COL21A1: variants seen among roughly 807,000 people sequenced by gnomAD.
COL21A1 encodes the protein collagen alpha-1(XXI) chain.
A neutral mutation model predicts 137.9 loss-of-function variants in COL21A1; 149 were observed. The observed-to-expected ratio is 1.08, with a 90% CI of 0.95 to 1.24. COL21A1 has a LOEUF of 1.24. COL21A1 is among the 50% of genes most tolerant of loss of function. The pLI is 0.00. For synonymous variants in COL21A1, 456 were observed against 391.5 expected, an observed-to-expected ratio of 1.16 and a Z score of -1.95; for missense variants, 1,167 against 1,158.4, an observed-to-expected ratio of 1.01 and a Z score of -0.11.
chr6:56,239,784 A>G (rs1782155449), intron 1 of COL21A1, among the ~76,000 whole-genome samples: 1 of 152,188 alleles, frequency 6.6e-6, no homozygotes, highest in South Asian at 2.1e-4. Flanking sequence ...AATTTACATG[A>G]TGCCAATGTG....
At chr6:56,133,418 C>T (rs1304007345) in intron 12 of COL21A1, among the ~76,000 whole-genome samples, 1 of 152,120 alleles carries the variant, frequency 6.6e-6, no homozygotes, top group Non-Finnish European at 1.5e-5. Context: ...CAAGAGGTAA[C>T]TTGGGTGCTG....
chr6:56,363,965 C>G (rs965821582), intron 1 of COL21A1, among the ~76,000 whole-genome samples: 2 of 152,196 alleles, frequency 1.3e-5, no homozygotes, highest in Non-Finnish European at 2.9e-5. Context: ...TGGACAAACT[C>G]AGAGTTTGCA....
At chr6:56,285,020 T>G (rs562676493) in intron 1 of COL21A1, among the ~76,000 whole-genome samples, 15 of 152,342 alleles carry the variant, frequency 9.8e-5, no homozygotes, top group African/African-American at 3.6e-4. Flanking sequence ...TAGTCTCTAT[T>G]CAAGCATTTC....
intron 17 of COL21A1, among the ~76,000 whole-genome samples, chr6:56,097,321 C>A (rs1769420076): frequency 6.6e-6 from 1 of 152,094 alleles, no homozygotes; most frequent in South Asian, 2.1e-4. Context: ...AAATTCATCT[C>A]AATAACGTCT....
intron 1 of COL21A1, among the ~76,000 whole-genome samples, chr6:56,218,833 T>A (rs1780646154): frequency 6.6e-6 from 1 of 152,054 alleles, no homozygotes; most frequent in Non-Finnish European, 1.5e-5. Flanking sequence ...GACAAGAGCC[T>A]TGAAGATGAG....
Position 56,256,700 on chromosome 6 carries a change from A to T in COL21A1, c.-38-74044T>A, listed in dbSNP as rs1015327581. 8.5e-5 allele frequency among the ~76,000 whole-genome samples: 13 copies of T among 152,162 alleles called. No individual in the cohort carries two copies. The South Asian group carries it at 1.5e-3, about 17-fold the overall frequency. ...TTCTCTGGCCAAATAATATTTTTTAAAAATTTTAAAAACCCCTTTTTTAAA... is the reference window on the plus strand; with the variant it reads ...TTCTCTGGCCAAATAATATTTTTTATAAATTTTAAAAACCCCTTTTTTAAA... On this transcript the variant is annotated intron_variant, in intron 1 of 28. Coordinates refer to the COL21A1 transcript ENST00000370819.
intron 1 of COL21A1, among the ~76,000 whole-genome samples, chr6:56,256,775 C>G (rs957497510): frequency 9.9e-5 from 15 of 151,892 alleles, no homozygotes; most frequent in South Asian, 2.1e-4. Context: ...CTTCGCAGTC[C>G]CACATGTGAG....
intron 24 of COL21A1, 112 bp downstream of exon 24, chr6:56,064,466 A>G (rs1766068816): frequency 2.9e-6 from 2 of 683,326 alleles, no homozygotes; most frequent in Non-Finnish European, 5.1e-6. Flanking sequence ...TAGAATGCAT[A>G]CTATATTGTC....
At chr6:56,136,626 T>A (rs1218235292) in intron 12 of COL21A1, among the ~76,000 whole-genome samples, 2 of 152,124 alleles carry the variant, frequency 1.3e-5, no homozygotes, top group Admixed American at 6.6e-5. Flanking sequence ...CAGGTCAAGA[T>A]TATTTTTGGG....
chr6:56,151,149 C>T (rs1175191078), intron 10 of COL21A1, among the ~76,000 whole-genome samples: 1 of 152,106 alleles, frequency 6.6e-6, no homozygotes, highest in African/African-American at 2.4e-5. Context: ...TGGCATGAAC[C>T]CAGGAGGCGG....
At chr6:56,331,289 T>A (rs1229000662) in intron 1 of COL21A1, among the ~76,000 whole-genome samples, 1 of 151,940 alleles carries the variant, frequency 6.6e-6, no homozygotes, top group Non-Finnish European at 1.5e-5. Context: ...TCAGTTTAAG[T>A]TCCATTTGTC....
At chr6:56,191,277 T>G (rs1436688543) in intron 1 of COL21A1, among the ~76,000 whole-genome samples, 4 of 152,102 alleles carry the variant, frequency 2.6e-5, no homozygotes, top group African/African-American at 9.7e-5. Flanking sequence ...AAAATCAATG[T>G]GCAAAAAGCA....
intron 1 of COL21A1, among the ~76,000 whole-genome samples, chr6:56,386,506 C>T (rs1344485286): frequency 6.6e-6 from 1 of 152,148 alleles, no homozygotes; most frequent in African/African-American, 2.4e-5. Flanking sequence ...AACCCCCAAA[C>T]TGTTTCCCAC....
chr6:56,298,740 C>T (rs978658743), intron 1 of COL21A1, among the ~76,000 whole-genome samples: 1 of 152,086 alleles, frequency 6.6e-6, no homozygotes, highest in African/African-American at 2.4e-5. Context: ...CAGCTATAAA[C>T]ATACTGCCAG....
chr6:56,141,909 G>A (rs1434767511), intron 11 of COL21A1, 21 bp downstream of exon 11: 1 of 1,567,034 alleles, frequency 6.4e-7, no homozygotes, highest in Non-Finnish European at 8.7e-7. Context: ...TTTATAAAAT[G>A]TATATAAGTG....
chr6:56,143,006 CA>C (rs1196223846), intron 10 of COL21A1, among the ~76,000 whole-genome samples: 1 of 152,100 alleles, frequency 6.6e-6, no homozygotes, highest in Non-Finnish European at 1.5e-5. Context: ...ATTTTAGAGA[CA>C]TCACAATTCC....
At chr6:56,136,277 C>G (rs62413475) in intron 12 of COL21A1, among the ~76,000 whole-genome samples, 22,794 of 152,094 alleles carry the variant, frequency 0.15, 1,724 homozygotes, top group Middle Eastern at 0.22. Context: ...AAGCCACAAG[C>G]ATGTGGGTTT....
At chr6:56,319,796 C>T (rs1764823617) in intron 1 of COL21A1, among the ~76,000 whole-genome samples, 1 of 152,108 alleles carries the variant, frequency 6.6e-6, no homozygotes, top group Non-Finnish European at 1.5e-5. Context: ...GAATATATAC[C>T]TGACAGGCTG....
intron 1 of COL21A1, among the ~76,000 whole-genome samples, chr6:56,370,425 G>T (rs549952815): frequency 7.9e-5 from 12 of 152,322 alleles, no homozygotes; most frequent in African/African-American, 2.9e-4. Flanking sequence ...TGACACACCA[G>T]CTAAATACAG....
Sources: allele counts gnomAD v4.1 joint callset (sites outside exome capture counted in the v4.1 genomes callset), GRCh38; gene constraint gnomAD v4.1.1; transcripts MANE v1.5; gene names NCBI Gene and HGNC (gene_info 2026-07-23, HGNC 2026-07-21).